The following TRPS1 variants were observed in gnomAD, a reference collection of about 807,000 sequenced individuals.
TRPS1 encodes transcriptional repressor GATA binding 1, also known as zinc finger transcription factor Trps1.
Under a neutral mutation model 101.2 loss-of-function variants are expected in TRPS1, and 6 were observed. That is an observed-to-expected ratio of 0.06 (90% confidence interval 0.03 to 0.12). The LOEUF is 0.12. Among genes scored for constraint, TRPS1 ranks in the 10% least tolerant of loss-of-function variants. The probability of loss-of-function intolerance (pLI) is 1.00; values close to 1 mark genes in which losing one functional copy is unlikely to be tolerated. For synonymous variants in TRPS1, 578 were observed against 589.8 expected, an observed-to-expected ratio of 0.98 and a Z score of 0.29; for missense variants, 1,363 against 1,567.0, an observed-to-expected ratio of 0.87 and a Z score of 2.20.
intron 5 of TRPS1, among the ~76,000 whole-genome samples, chr8:115,460,155 T>C (rs1814131389): frequency 6.6e-6 from 1 of 152,116 alleles, no homozygotes; most frequent in South Asian, 2.1e-4. Flanking sequence ...ACACATAGTG[T>C]TCAATAAATG....
intron 3 of TRPS1, among the ~76,000 whole-genome samples, chr8:115,608,642 G>T (rs2130504097): frequency 6.8e-6 from 1 of 148,092 alleles, no homozygotes; most frequent in South Asian, 2.1e-4. Context: ...TTATCGTGAG[G>T]ATCAAGTGAG....
At chr8:115,469,281 T>C (rs1814404811) in intron 5 of TRPS1, among the ~76,000 whole-genome samples, 2 of 152,228 alleles carry the variant, frequency 1.3e-5, no homozygotes, top group African/African-American at 4.8e-5. Flanking sequence ...GCAATATGTT[T>C]GGCAGCAATA....
chr8:115,605,109 A>C, intron 3 of TRPS1, 107 bp from the exon 4 acceptor site: 1 of 986,678 alleles, frequency 1.0e-6, no homozygotes, highest in Non-Finnish European at 1.6e-6. Flanking sequence ...CAAAAAATAC[A>C]ATAGTACTCC....
At chr8:115,553,757 T>C (rs920828670) in intron 5 of TRPS1, among the ~76,000 whole-genome samples, 2 of 152,154 alleles carry the variant, frequency 1.3e-5, no homozygotes. Flanking sequence ...TCTTCTTCTT[T>C]TTCACAGTAG....
chr8:115,537,776 A>G (rs781498208), intron 5 of TRPS1, among the ~76,000 whole-genome samples: 1 of 152,244 alleles, frequency 6.6e-6, no homozygotes, highest in South Asian at 2.1e-4. Flanking sequence ...AGGAACCTCA[A>G]TGTAATACGT....
chr8:115,640,521 A>T (rs1460953158), intron 1 of TRPS1, among the ~76,000 whole-genome samples: 1 of 152,210 alleles, frequency 6.6e-6, no homozygotes, highest in Non-Finnish European at 1.5e-5. Flanking sequence ...CAAAACTGTT[A>T]TCTGTCAGTG....
chr8:115,465,608 G>T (rs1814297948), intron 5 of TRPS1, among the ~76,000 whole-genome samples: 1 of 152,016 alleles, frequency 6.6e-6, no homozygotes, highest in African/African-American at 2.4e-5. Context: ...TACATATACT[G>T]TCCTAGGTAA....
At chr8:115,653,928 T>C (rs1811621641) in intron 1 of TRPS1, among the ~76,000 whole-genome samples, 1 of 152,256 alleles carries the variant, frequency 6.6e-6, no homozygotes. Context: ...AGGTTCAACA[T>C]CTTTCTGCAT....
intron 1 of TRPS1, among the ~76,000 whole-genome samples, chr8:115,650,896 T>C (rs1003898994): frequency 6.6e-5 from 10 of 152,190 alleles, no homozygotes; most frequent in Non-Finnish European, 1.2e-4. Flanking sequence ...TCAATATTCA[T>C]GTTAGATCTC....
intron 1 of TRPS1, among the ~76,000 whole-genome samples, chr8:115,624,758 G>A (rs77113491): frequency 3.9e-4 from 59 of 151,848 alleles, no homozygotes; most frequent in African/African-American, 1.4e-3. Flanking sequence ...ATCAGCATTA[G>A]AGCTTAAAAA....
At chr8:115,663,937 A>G (rs968383163) in intron 1 of TRPS1, among the ~76,000 whole-genome samples, 1 of 152,060 alleles carries the variant, frequency 6.6e-6, no homozygotes, top group African/African-American at 2.4e-5. Flanking sequence ...TGTGTCCATC[A>G]GAAAACCAAA....
intron 5 of TRPS1, among the ~76,000 whole-genome samples, chr8:115,479,125 T>TA (rs1166439532): frequency 1.3e-5 from 2 of 152,014 alleles, no homozygotes; most frequent in Non-Finnish European, 2.9e-5. Flanking sequence ...CCAGTTACCT[T>TA]AAAAAATCAT....
At position 115,435,626 on chromosome 8, in the gene TRPS1, G is replaced by T. The variant is rs577140525; in HGVS notation, c.2701-17174C>A. 6.6e-5 allele frequency among the ~76,000 whole-genome samples: 10 copies of T among 152,246 alleles called. 1 individual carries two copies. In the South Asian group the frequency reaches 1.9e-3, roughly 28 times the overall value. The stretch of plus-strand genomic sequence containing the variant: ...GTGTCACTTTAAGTAAAAATCAGAT[G>T]TAACTAACAAAGCACTGGTGTGATC... On this transcript the variant is annotated intron_variant, in intron 5 of 6. Transcript: ENST00000395715.
At chr8:115,510,504 C>T (rs1162087034) in intron 5 of TRPS1, among the ~76,000 whole-genome samples, 2 of 151,918 alleles carry the variant, frequency 1.3e-5, no homozygotes, top group African/African-American at 4.8e-5. Context: ...AAAGTCAGTT[C>T]TCTGGGGCTT....
intron 1 of TRPS1, among the ~76,000 whole-genome samples, chr8:115,665,535 G>C (rs1208884387): frequency 6.6e-6 from 1 of 152,128 alleles, no homozygotes; most frequent in Non-Finnish European, 1.5e-5. Context: ...ATAAACTCAG[G>C]AGTGGTAGGT....
At chr8:115,601,412 G>A (rs907310135) in intron 4 of TRPS1, among the ~76,000 whole-genome samples, 2 of 151,892 alleles carry the variant, frequency 1.3e-5, no homozygotes, top group Non-Finnish European at 1.5e-5. Flanking sequence ...CACATCTCTG[G>A]GGCCACTATT....
chr8:115,652,627 AAC>A (rs1479103604), intron 1 of TRPS1, among the ~76,000 whole-genome samples: 1 of 152,192 alleles, frequency 6.6e-6, no homozygotes, highest in African/African-American at 2.4e-5. Context: ...CCTTGCTTAA[AAC>A]CTAATCTATC....
Position 115,587,211 on chromosome 8 carries a change from C to G in TRPS1, c.2490G>C (p.Val830=). The G allele has an allele frequency of 1.2e-6, 2 of 1,614,100 alleles. No homozygotes were observed. Among genetic ancestry groups the G allele is most frequent in the East Asian group, 4.5e-5 (2 of 44,892 alleles). Residue 830 remains valine, a synonymous_variant, in exon 5 of 7, where the codon GTG becomes GTC. Coordinates refer to ENST00000395715, the MANE Select transcript of TRPS1 (RefSeq NM_014112.5). ...TCTTTGTCTGCTCTTGGGTGCCAGA[C>G]ACAGGCGTCAGCAGCCCCAGGCTTG... ...TQASLGLLTP[V]SGTQEQTKTL...
intron 5 of TRPS1, among the ~76,000 whole-genome samples, chr8:115,441,651 T>G (rs1414814118): frequency 6.6e-6 from 1 of 151,954 alleles, no homozygotes; most frequent in Non-Finnish European, 1.5e-5. Context: ...TATATTTGCC[T>G]CTACATAAAC....
Sources: gnomAD v4.1 joint callset for allele counts (sites outside exome capture counted in the v4.1 genomes callset) on GRCh38, gnomAD v4.1.1 for gene constraint, MANE v1.5 for transcripts, NCBI Gene and HGNC (gene_info 2026-07-23, HGNC 2026-07-21) for gene names.